ADORA2B: variants seen among roughly 807,000 people sequenced by gnomAD.
The protein encoded by ADORA2B is adenosine receptor A2b.
ADORA2B carries 18 observed loss-of-function variants against 20.8 expected under a neutral mutation model. The observed-to-expected ratio is 0.87, with a 90% CI of 0.60 to 1.29. The LOEUF is 1.29. Ranked by LOEUF, ADORA2B falls within the 50% of genes most tolerant of loss-of-function variation. ADORA2B has a pLI of 0.00. For synonymous variants in ADORA2B, 179 were observed against 178.3 expected, an observed-to-expected ratio of 1.00 and a Z score of -0.03; for missense variants, 441 against 422.7, an observed-to-expected ratio of 1.04 and a Z score of -0.38.
At chr17:15,950,711 T>C (rs565967891) in intron 1 of ADORA2B, among the ~76,000 whole-genome samples, 4 of 152,192 alleles carry the variant, frequency 2.6e-5, no homozygotes, top group African/African-American at 9.7e-5. Context: ...CTTACCACGC[T>C]GCAGAGACAC....
chr17:15,966,241 C>G (rs1597429761), intron 1 of ADORA2B, among the ~76,000 whole-genome samples: 1 of 152,246 alleles, frequency 6.6e-6, no homozygotes, highest in African/African-American at 2.4e-5. Flanking sequence ...CAGTAGAACT[C>G]TGTGTGCATT....
the ADORA2B span, among the ~76,000 whole-genome samples, chr17:15,872,301 A>G: frequency 3.3e-5 from 5 of 152,260 alleles, no homozygotes; most frequent in Non-Finnish European, 7.3e-5. Flanking sequence ...TACCAGTACC[A>G]TGCCGTTTTG....
chr17:15,940,983 A>G (rs58678411), upstream of ADORA2B, among the ~76,000 whole-genome samples: 12,664 of 152,284 alleles, frequency 0.083, 1,820 homozygotes, highest in African/African-American at 0.29. Context: ...TGGGCCTGTC[A>G]TGATATTTCT....
upstream of ADORA2B, among the ~76,000 whole-genome samples, chr17:15,941,055 G>A (rs1475849758): frequency 6.6e-6 from 1 of 152,232 alleles, no homozygotes; most frequent in East Asian, 1.9e-4. Context: ...AGAGGGGTGA[G>A]AGATGAGACG....
At chr17:15,866,914 G>T in the ADORA2B span, among the ~76,000 whole-genome samples, 1 of 152,270 alleles carries the variant, frequency 6.6e-6, no homozygotes. Context: ...CCTGCCGAGT[G>T]CCTGCGATTG....
the ADORA2B span, chr17:15,850,742 TATGTG>T: frequency 6.3e-6 from 1 of 159,308 alleles, no homozygotes; most frequent in Non-Finnish European, 1.5e-5. Flanking sequence ...TCTTTATACA[TATGTG>T]TGTGTGTGTG....
At chr17:15,950,973 CTTA>C (rs931084352) in intron 1 of ADORA2B, among the ~76,000 whole-genome samples, 1 of 152,250 alleles carries the variant, frequency 6.6e-6, no homozygotes, top group Non-Finnish European at 1.5e-5. Context: ...GGGCAGGGGC[CTTA>C]CACCCCAGGA....
chr17:15,971,279 C>A (rs1235945716), intron 1 of ADORA2B, among the ~76,000 whole-genome samples: 1 of 152,216 alleles, frequency 6.6e-6, no homozygotes, highest in African/African-American at 2.4e-5. Context: ...TTCACATCTC[C>A]AGTGAGGCAA....
chr17:15,868,574 C>A, the ADORA2B span, among the ~76,000 whole-genome samples: 12,871 of 132,940 alleles, frequency 0.097, 2,557 homozygotes, highest in African/African-American at 0.29. Flanking sequence ...AGATCGAGAC[C>A]ATCCTGGCTA....
chr17:15,888,923 C>T, the ADORA2B span, among the ~76,000 whole-genome samples: 1 of 83,748 alleles, frequency 1.2e-5, no homozygotes, highest in Non-Finnish European at 2.1e-5. Flanking sequence ...AGTGCAGTGG[C>T]GCTATCTCGG....
the ADORA2B span, among the ~76,000 whole-genome samples, chr17:15,924,882 T>A: frequency 2.0e-5 from 3 of 151,778 alleles, no homozygotes; most frequent in Non-Finnish European, 4.4e-5. Context: ...TTTTTTTTTT[T>A]AAAGAGACAG....
At chr17:15,971,954 A>T (rs1970193067) in intron 1 of ADORA2B, among the ~76,000 whole-genome samples, 1 of 152,174 alleles carries the variant, frequency 6.6e-6, no homozygotes, top group African/African-American at 2.4e-5. Flanking sequence ...TATTAAGAAC[A>T]TACTATGTGC....
chr17:15,905,949 C>T, the ADORA2B span, among the ~76,000 whole-genome samples: 76 of 152,342 alleles, frequency 5.0e-4, no homozygotes, highest in African/African-American at 1.4e-3. Flanking sequence ...CCACTGTGCC[C>T]GGCCACAATT....
At chr17:15,950,969 G>A (rs1912005183) in intron 1 of ADORA2B, among the ~76,000 whole-genome samples, 1 of 152,254 alleles carries the variant, frequency 6.6e-6, no homozygotes, top group African/African-American at 2.4e-5. Context: ...TTGTGGGCAG[G>A]GGCCTTACAC....
chr17:15,869,894 T>C, the ADORA2B span, among the ~76,000 whole-genome samples: 1 of 152,266 alleles, frequency 6.6e-6, no homozygotes, highest in Admixed American at 6.5e-5. Flanking sequence ...CATTTTGACA[T>C]GGTCCCTTCT....
At chr17:15,941,463 C>T (rs969373777), upstream of ADORA2B, among the ~76,000 whole-genome samples, 2 of 152,194 alleles carry the variant, frequency 1.3e-5, no homozygotes, top group Admixed American at 6.5e-5. Context: ...TGTAGTGGCT[C>T]ACACTTGTAA....
chr17:15,927,409 G>C, the ADORA2B span, among the ~76,000 whole-genome samples: 1 of 152,130 alleles, frequency 6.6e-6, no homozygotes, highest in Non-Finnish European at 1.5e-5. Flanking sequence ...CTTGAACCCA[G>C]GAGGCAGAGG....
the ADORA2B span, among the ~76,000 whole-genome samples, chr17:15,879,799 G>A: frequency 9.2e-3 from 1,379 of 149,940 alleles, 34 homozygotes; most frequent in African/African-American, 0.033. Context: ...GGCCTCCCAA[G>A]GTGCTGGGTT....
chr17:15,856,680 T>C, the ADORA2B span, among the ~76,000 whole-genome samples: 2 of 152,320 alleles, frequency 1.3e-5, no homozygotes, highest in East Asian at 3.9e-4. Flanking sequence ...GAGGAACTTA[T>C]TGGGATCTGG....
Sources: gnomAD v4.1 joint callset for allele counts (sites outside exome capture counted in the v4.1 genomes callset) on GRCh38, gnomAD v4.1.1 for gene constraint, MANE v1.5 for transcripts, NCBI Gene and HGNC (gene_info 2026-07-23, HGNC 2026-07-21) for gene names.